The following LYZL1 variants were observed in gnomAD, a reference collection of about 807,000 sequenced individuals.
LYZL1 encodes lysozyme like 1.
Under a neutral mutation model 17.9 loss-of-function variants are expected in LYZL1, and 16 were observed. That is an observed-to-expected ratio of 0.90 (90% CI 0.61 to 1.36). The LOEUF (loss-of-function observed/expected upper bound fraction) is 1.36. Ranked by LOEUF, LYZL1 falls within the 40% of genes most tolerant of loss-of-function variation. The pLI is 0.00. For synonymous variants in LYZL1, 58 were observed against 71.8 expected, an observed-to-expected ratio of 0.81 and a Z score of 0.97; for missense variants, 149 against 188.4, an observed-to-expected ratio of 0.79 and a Z score of 1.22.
rs187465413 is a variant in LYZL1 at position 29,299,420 on chromosome 10, A to C, written c.298+6743A>C. On this transcript the variant is annotated intron_variant, in intron 3 of 4. Transcript: ENST00000649382. ...ATTTGAAAAAAAAAATGTGTATTTTATATTTGGTGGGTAGATGTTCTATAA... is the reference window on the plus strand; with the variant it reads ...ATTTGAAAAAAAAAATGTGTATTTTCTATTTGGTGGGTAGATGTTCTATAA... 2.7e-4 allele frequency among the ~76,000 whole-genome samples: 41 copies of C among 152,210 alleles called. No individual in the cohort carries two copies. In the East Asian group the frequency reaches 6.9e-3, roughly 26 times the overall value.
chr10:29,294,167 T>G (rs2132817036), intron 3 of LYZL1, among the ~76,000 whole-genome samples: 1 of 151,924 alleles, frequency 6.6e-6, no homozygotes, highest in South Asian at 2.1e-4. Context: ...GAGAGGCTTG[T>G]TTTTTCTGTA....
At chr10:29,310,058 C>A (rs1835648416) in intron 3 of LYZL1, 52 bp from the exon 4 acceptor site, 5 of 1,305,124 alleles carry the variant, frequency 3.8e-6, no homozygotes, top group Non-Finnish European at 4.4e-6. Flanking sequence ...AGTTGAGGTC[C>A]CTCTCCAACA....
intron 3 of LYZL1, among the ~76,000 whole-genome samples, chr10:29,293,605 G>C (rs917035390): frequency 2.0e-5 from 3 of 152,278 alleles, no homozygotes; most frequent in East Asian, 3.9e-4. Flanking sequence ...GAGAATATGT[G>C]CTTACATGAA....
At chr10:29,311,597 A>G (rs576310980), downstream of LYZL1, among the ~76,000 whole-genome samples, 4 of 152,324 alleles carry the variant, frequency 2.6e-5, no homozygotes, top group Admixed American at 2.0e-4. Context: ...ACTGTTTGAT[A>G]TTGAAATTCT....
intron 3 of LYZL1, among the ~76,000 whole-genome samples, chr10:29,309,232 G>A (rs567429067): frequency 4.6e-5 from 7 of 151,744 alleles, no homozygotes; most frequent in East Asian, 2.0e-4. Context: ...GGGAGGCTGC[G>A]GCAGGAGAAT....
chr10:29,301,562 T>A (rs183181637), intron 3 of LYZL1, among the ~76,000 whole-genome samples: 2 of 152,316 alleles, frequency 1.3e-5, no homozygotes, highest in East Asian at 1.9e-4. Context: ...GATTTTCTTA[T>A]CTTTGTCCCC....
chr10:29,310,504 A>G (rs1252481858), intron 4 of LYZL1, among the ~76,000 whole-genome samples: 1 of 138,986 alleles, frequency 7.2e-6, no homozygotes, highest in African/African-American at 2.6e-5. Context: ...GAGAGAGGAA[A>G]AAAAAAAAAA....
At chr10:29,308,365 A>G (rs530389279) in intron 3 of LYZL1, among the ~76,000 whole-genome samples, 27 of 152,290 alleles carry the variant, frequency 1.8e-4, no homozygotes, top group African/African-American at 6.0e-4. Context: ...GGGCTGCCCA[A>G]TGAATTGCTG....
At chr10:29,303,894 GTACAGC>G (rs1437276518) in intron 3 of LYZL1, among the ~76,000 whole-genome samples, 1 of 152,210 alleles carries the variant, frequency 6.6e-6, no homozygotes, top group Admixed American at 6.5e-5. Context: ...TTATATGCAT[GTACAGC>G]ATGGATACAC....
chr10:29,291,779 C>A, intron 1 of LYZL1, 64 bp from the exon 2 acceptor site: 1 of 1,517,824 alleles, frequency 6.6e-7, no homozygotes, highest in Non-Finnish European at 9.0e-7. Context: ...TGCACAGTCA[C>A]CACCGCTGGA....
At chr10:29,294,520 A>G (rs1302713840) in intron 3 of LYZL1, among the ~76,000 whole-genome samples, 1 of 152,198 alleles carries the variant, frequency 6.6e-6, no homozygotes, top group East Asian at 1.9e-4. Context: ...TGCTGCCTCT[A>G]GAGTGTAAGT....
At chr10:29,309,562 A>G (rs1292580692) in intron 3 of LYZL1, among the ~76,000 whole-genome samples, 1 of 152,072 alleles carries the variant, frequency 6.6e-6, no homozygotes, top group East Asian at 1.9e-4. Context: ...AGTGGTGTGA[A>G]CACAGCTCAC....
rs1293487876 is a variant in LYZL1 at position 29,311,006 on chromosome 10, C to T, written c.394C>T (p.His132Tyr). The T allele has an allele frequency of 2.5e-6, 4 of 1,614,054 alleles. No homozygotes were observed. The highest frequency in any genetic ancestry group is 3.4e-6 in the Non-Finnish European group (4 of 1,180,040). Residue 132 changes from histidine (H) to tyrosine (Y), a missense_variant, in exon 5 of 5, where the codon CAT (histidine) becomes TAT (tyrosine). By Grantham distance (83) the His-to-Tyr change is moderately conservative (BLOSUM62 2). This residue lies in a region of LYZL1 where 130 missense variants were observed against 132.5 expected (regional missense o/e 0.98). Transcript: ENST00000649382. Reference sequence around the variant, plus strand: ...CATCCTCAGGCAAGGCTGGAAGAAACATTGTGAGGGCAGAGACCTGTCCGA... The same window carrying T: ...CATCCTCAGGCAAGGCTGGAAGAAATATTGTGAGGGCAGAGACCTGTCCGA... The part of the protein sequence containing the change: ...GMNYWQGWKK[H>Y]CEGRDLSEWK...
rs1446104738 is a variant in LYZL1, at chr10:29,292,805, T to C, written c.298+128T>C. On this transcript the variant is annotated intron_variant, in intron 3 of 4. Coordinates refer to ENST00000649382, the MANE Select transcript of LYZL1 (RefSeq NM_032517.6). ...GGCTTGCAAATAGGTCTGTTCCAGA[T>C]TGGTAAATTATGCAACAGTTTCCAA... The C allele has an allele frequency of 7.2e-6, 10 of 1,392,748 alleles. No homozygotes were observed. The African/African-American group carries it at 8.7e-5, about 12-fold the overall frequency. The allele number at this position is 1,392,748 out of a possible 1,614,324, so 86.3% of individuals were successfully genotyped here.
At position 29,311,051 on chromosome 10, in the gene LYZL1, G is replaced by T. The variant is rs779933254; in HGVS notation, c.439G>T (p.Val147Phe). The T allele has an allele frequency of 9.3e-6, 15 of 1,614,064 alleles. No individual in the cohort carries two copies. In the Admixed American group the frequency reaches 2.0e-4, roughly 22 times the overall value. ...GTCCGAGTGGAAAAAAGGCTGTGAGGTTTCCTAAACTGGAACTGGACCCAG... is the reference window on the plus strand; with the variant it reads ...GTCCGAGTGGAAAAAAGGCTGTGAGTTTTCCTAAACTGGAACTGGACCCAG... Reference protein sequence around the residue: ...DLSEWKKGCEVS With the variant: ...DLSEWKKGCEFS Residue 147 changes from valine to phenylalanine, a missense_variant, in exon 5 of 5, where the codon GTT becomes TTT. Physicochemically the swap from Val to Phe is conservative, Grantham distance 50. This residue lies in a region of LYZL1 where 130 missense variants were observed against 132.5 expected (regional missense o/e 0.98). Coordinates refer to ENST00000649382, the MANE Select transcript of LYZL1 (RefSeq NM_032517.6).
intron 1 of LYZL1, among the ~76,000 whole-genome samples, chr10:29,290,987 A>T (rs1370650596): frequency 4.6e-5 from 7 of 152,162 alleles, no homozygotes; most frequent in Admixed American, 2.0e-4. Flanking sequence ...AGTTTTCCAT[A>T]CAGGCCCACG....
At chr10:29,297,386 T>A (rs911908476) in intron 3 of LYZL1, among the ~76,000 whole-genome samples, 3 of 152,196 alleles carry the variant, frequency 2.0e-5, no homozygotes, top group Non-Finnish European at 4.4e-5. Flanking sequence ...TTTGTAAGGT[T>A]CATCACATGA....
At chr10:29,312,206 A>T (rs758982540), downstream of LYZL1, among the ~76,000 whole-genome samples, 7 of 152,150 alleles carry the variant, frequency 4.6e-5, no homozygotes, top group Non-Finnish European at 8.8e-5. Context: ...TAATGGGTCC[A>T]AACAGATAAA....
In LYZL1 at chr10:29,310,994, G is replaced by A. The variant is rs1489461922; in HGVS notation, c.382G>A (p.Gly128Ser). ...CTGCTTCCCTCTCATCCTCAGGCAAGGCTGGAAGAAACATTGTGAGGGCAG... is the reference window on the plus strand; with the variant it reads ...CTGCTTCCCTCTCATCCTCAGGCAAAGCTGGAAGAAACATTGTGAGGGCAG... ...KETQGMNYWQ[G>S]WKKHCEGRDL... is the part of the protein sequence containing the mutation. The change falls in exon 5 of 5, where the codon GGC becomes AGC. Residue 128 changes from glycine to serine, a missense_variant. This residue lies in a region of LYZL1 where 130 missense variants were observed against 132.5 expected (regional missense o/e 0.98). Transcript: ENST00000649382. 2 of 1,614,050 alleles carry A rather than the reference G, an allele frequency of 1.2e-6. No homozygotes were observed. The highest frequency in any genetic ancestry group is 1.1e-5 in the South Asian group (1 of 91,086).
Sources: gnomAD v4.1 joint callset for allele counts (sites outside exome capture counted in the v4.1 genomes callset) on GRCh38, gnomAD v4.1.1 for gene constraint, gnomAD v4.1.1 regional missense constraint, MANE v1.5 for transcripts, NCBI Gene and HGNC (gene_info 2026-07-23, HGNC 2026-07-21) for gene names.